CGNL1: variants seen among roughly 807,000 people sequenced by gnomAD.
CGNL1 encodes the protein cingulin-like protein 1.
A neutral mutation model predicts 141.2 loss-of-function variants in CGNL1; 132 were observed. The ratio of observed to expected loss-of-function variants is 0.93; its 90% confidence interval spans 0.81 to 1.08. The LOEUF (loss-of-function observed/expected upper bound fraction) is 1.08. Ranked by LOEUF, CGNL1 falls within the 50% of genes least tolerant of loss-of-function variation. The pLI is 0.00. For synonymous variants in CGNL1, 690 were observed against 622.1 expected (o/e 1.11, Z -1.63); for missense variants, 1,870 against 1,588.6 (o/e 1.18, Z -3.01).
At chr15:57,517,290 G>A (rs1206516788) in intron 9 of CGNL1, among the ~76,000 whole-genome samples, 4 of 152,106 alleles carry the variant, frequency 2.6e-5, no homozygotes, top group Admixed American at 6.5e-5. Flanking sequence ...CACCTGAAAG[G>A]GCTGTCTTAA....
At chr15:57,442,539 C>G (rs1315711495) in intron 4 of CGNL1, 61 bp downstream of exon 4, 2 of 1,034,032 alleles carry the variant, frequency 1.9e-6, no homozygotes, top group Non-Finnish European at 3.0e-6. Context: ...AAACAACTTG[C>G]TGTTTCTTCA....
chr15:57,529,022 T>C (rs1286334621), intron 13 of CGNL1: 26 of 517,274 alleles, frequency 5.0e-5, no homozygotes, highest in African/African-American at 4.2e-4. Flanking sequence ...GAAGGAATGA[T>C]GGATATAAAT....
intron 9 of CGNL1, 133 bp downstream of exon 9, chr15:57,517,119 C>G: frequency 1.2e-6 from 1 of 840,564 alleles, no homozygotes. Flanking sequence ...GTGAATACAT[C>G]CTCTCTGCAA....
chr15:57,482,085 G>T (rs1487895859), intron 8 of CGNL1, among the ~76,000 whole-genome samples: 1 of 151,198 alleles, frequency 6.6e-6, no homozygotes, highest in African/African-American at 2.4e-5. Context: ...CATGTCTTTT[G>T]CCCATTTCCT....
rs1158497324 is a variant in CGNL1, at chr15:57,550,084, G to A, written c.*2594G>A. 6.6e-6 allele frequency: 1 copy of A among 152,236 alleles called. No homozygotes were observed. Among genetic ancestry groups the A allele is most frequent in the Admixed American group, 6.5e-5 (1 of 15,286 alleles). The allele number at this position is 152,236 out of a possible 1,614,324, so 9.4% of individuals were successfully genotyped here. A position where few individuals can be genotyped will look rare whatever the true frequency, so the allele number is the denominator to read the frequency against. On this transcript the variant is annotated 3_prime_UTR_variant, in exon 19 of 19. Coordinates refer to ENST00000281282, the MANE Select transcript of CGNL1 (RefSeq NM_032866.5). ...AAACTGCCCATGCAAAGAGAACACA[G>A]GTCACTTTTCAAAACACTTGCATCA...
chr15:57,466,960 C>T (rs2063518107), intron 8 of CGNL1, among the ~76,000 whole-genome samples: 1 of 152,054 alleles, frequency 6.6e-6, no homozygotes, highest in African/African-American at 2.4e-5. Context: ...CAACATACAG[C>T]AGTTATGCAA....
At chr15:57,476,265 G>T (rs1164365629) in intron 8 of CGNL1, among the ~76,000 whole-genome samples, 1 of 152,190 alleles carries the variant, frequency 6.6e-6, no homozygotes, top group African/African-American at 2.4e-5. Context: ...CTTGGGGGCA[G>T]TGGGAATTAG....
At chr15:57,381,809 A>G (rs555373099) in intron 1 of CGNL1, among the ~76,000 whole-genome samples, 1 of 152,176 alleles carries the variant, frequency 6.6e-6, no homozygotes, top group Non-Finnish European at 1.5e-5. Flanking sequence ...GGTAGAGGAA[A>G]ATAGTAAATC....
chr15:57,480,038 C>T (rs531973967), intron 8 of CGNL1, among the ~76,000 whole-genome samples: 13 of 152,270 alleles, frequency 8.5e-5, no homozygotes, highest in East Asian at 7.7e-4. Flanking sequence ...TCCCAAAGAG[C>T]TGTGGCAGCA....
chr15:57,547,479 A>C lies in CGNL1; in HGVS notation c.3898A>C (p.Ser1300Arg). The C allele has an allele frequency of 1.2e-6, 2 of 1,614,010 alleles. No individual in the cohort carries two copies. The highest frequency in any genetic ancestry group is 1.7e-6 in the Non-Finnish European group (2 of 1,179,942). The change falls in exon 19 of 19, where the codon AGC (serine) becomes CGC (arginine). Residue 1300 changes from serine (S) to arginine (R), a missense_variant. Coordinates refer to ENST00000281282, the MANE Select transcript of CGNL1 (RefSeq NM_032866.5). ...YTFSKDSTVA[S>R]QI ...ATTCTCCAAGGACAGCACCGTCGCC[A>C]GCCAGATCTGAGTGCTCTCCCGGGC...
At chr15:57,475,909 C>T (rs879931111) in intron 8 of CGNL1, among the ~76,000 whole-genome samples, 1 of 152,166 alleles carries the variant, frequency 6.6e-6, no homozygotes, top group South Asian at 2.1e-4. Flanking sequence ...ATGACATCTC[C>T]TTCTTGGGTC....
At chr15:57,516,670 C>T in intron 8 of CGNL1, 110 bp from the exon 9 acceptor site, 1 of 1,145,786 alleles carries the variant, frequency 8.7e-7, no homozygotes, top group Non-Finnish European at 1.3e-6. Context: ...CAGCACAGGG[C>T]CTGGCTAAGT....
At chr15:57,501,492 G>A (rs35204548) in intron 8 of CGNL1, among the ~76,000 whole-genome samples, 1,626 of 152,342 alleles carry the variant, frequency 0.011, 6 homozygotes, top group Non-Finnish European at 0.016. Flanking sequence ...ACTTACCTGC[G>A]GCAATGTGGG....
chr15:57,510,208 A>G (rs2131740), intron 8 of CGNL1, among the ~76,000 whole-genome samples: 34,640 of 152,080 alleles, frequency 0.23, 5,141 homozygotes, highest in East Asian at 0.46. Context: ...AGTGGACCTA[A>G]CAGTAATAAC....
At chr15:57,518,870 G>A (rs1315602200) in intron 10 of CGNL1, among the ~76,000 whole-genome samples, 1 of 152,236 alleles carries the variant, frequency 6.6e-6, no homozygotes, top group Non-Finnish European at 1.5e-5. Context: ...ACGTTAAAGA[G>A]CTTGACAGCT....
chr15:57,413,154 G>A (rs1056530519), intron 1 of CGNL1, among the ~76,000 whole-genome samples: 7 of 151,542 alleles, frequency 4.6e-5, no homozygotes, highest in Non-Finnish European at 7.4e-5. Context: ...CACCACACCC[G>A]GCCTTCTTCT....
chr15:57,453,946 C>T, intron 7 of CGNL1, 128 bp downstream of exon 7: 1 of 1,046,890 alleles, frequency 9.6e-7, no homozygotes, highest in Non-Finnish European at 1.4e-6. Context: ...CTCTTATGAT[C>T]TGTGAGTCAG....
chr15:57,463,288 A>G (rs1327208201), intron 8 of CGNL1, among the ~76,000 whole-genome samples: 2 of 152,172 alleles, frequency 1.3e-5, no homozygotes, highest in Admixed American at 1.3e-4. Flanking sequence ...GTAAGTGAGG[A>G]AAGGATACAT....
chr15:57,433,950 C>T (rs2063075047), intron 1 of CGNL1, among the ~76,000 whole-genome samples: 1 of 132,058 alleles, frequency 7.6e-6, no homozygotes, highest in South Asian at 2.9e-4. Flanking sequence ...CATTAATTGA[C>T]ACTCACCAAC....
Sources: allele counts gnomAD v4.1 joint callset (sites outside exome capture counted in the v4.1 genomes callset), GRCh38; gene constraint gnomAD v4.1.1; transcripts MANE v1.5; gene names NCBI Gene and HGNC (gene_info 2026-07-23, HGNC 2026-07-21).